The following DIAPH2 variants were observed in gnomAD, a reference collection of about 807,000 sequenced individuals.
DIAPH2 encodes the protein diaphanous related formin 2, also known as protein diaphanous homolog 2.
A neutral mutation model predicts 92.7 loss-of-function variants in DIAPH2; 35 were observed. The ratio of observed to expected loss-of-function variants is 0.38; its 90% confidence interval spans 0.29 to 0.50. The LOEUF is 0.50. Ranked by LOEUF, DIAPH2 falls within the 20% of genes least tolerant of loss-of-function variation. The pLI, the probability that DIAPH2 is intolerant of heterozygous loss-of-function variation, is 0.94. For synonymous variants in DIAPH2, 301 were observed against 280.4 expected, an observed-to-expected ratio of 1.07 and a Z score of -0.73; for missense variants, 701 against 819.5, an observed-to-expected ratio of 0.86 and a Z score of 1.77.
At position 96,685,096 on chromosome X, in the gene DIAPH2, G is replaced by A. The variant is rs2063763417; in HGVS notation, c.38G>A (p.Gly13Asp). ...QPGAAASGAG[G>D]GSEEPGGGRS... ...GGGGCGGCGGCGTCGGGAGCGGGAG[G>A]CGGCAGCGAGGAACCCGGTGGGGGC... The change falls in exon 1 of 27, where the codon GGC (glycine) becomes GAC (aspartate). Residue 13 changes from glycine (G) to aspartate (D), a missense_variant. This residue lies in a region of DIAPH2 where 131 missense variants were observed against 145.6 expected (regional missense o/e 0.90). Transcript: ENST00000324765. 9.9e-7 allele frequency: 1 copy of A among 1,014,462 alleles called. No homozygotes were observed. 83.6% of individuals were successfully genotyped at this position (1,014,462 alleles called of 1,213,427 possible). A position where few individuals can be genotyped will look rare whatever the true frequency, so the allele number is the denominator to read the frequency against.
chrX:97,321,107 G>A (rs1009413359), intron 23 of DIAPH2, among the ~76,000 whole-genome samples: 2 of 111,343 alleles, frequency 1.8e-5, no homozygotes, highest in Admixed American at 9.7e-5. Context: ...AGCTGGAGAC[G>A]GAAAAGAGAG....
chrX:97,230,145 A>T (rs1166668178), intron 22 of DIAPH2, among the ~76,000 whole-genome samples: 2 of 110,760 alleles, frequency 1.8e-5, no homozygotes, highest in African/African-American at 3.3e-5. Context: ...GTATTATGGT[A>T]TTGGCCTCAA....
At chrX:96,928,539 G>A (rs934089876) in intron 9 of DIAPH2, among the ~76,000 whole-genome samples, 1 of 111,356 alleles carries the variant, frequency 9.0e-6, no homozygotes, top group African/African-American at 3.2e-5. Context: ...TAAAGGAATA[G>A]CAAAAATTTA....
intron 17 of DIAPH2, among the ~76,000 whole-genome samples, chrX:96,998,766 T>A (rs2066122162): frequency 9.0e-6 from 1 of 111,451 alleles, no homozygotes; most frequent in African/African-American, 3.3e-5. Flanking sequence ...GCCAGACTCG[T>A]TGGGTTCAAA....
chrX:96,839,136 CAAACAATG>C (rs1412094904), intron 4 of DIAPH2, among the ~76,000 whole-genome samples: 3 of 111,071 alleles, frequency 2.7e-5, no homozygotes, highest in Non-Finnish European at 5.7e-5. Flanking sequence ...TTAGCAGGGC[CAAACAATG>C]TAAATAAAAA....
intron 17 of DIAPH2, among the ~76,000 whole-genome samples, chrX:97,049,710 C>T (rs1440061333): frequency 9.0e-6 from 1 of 110,901 alleles, no homozygotes; most frequent in Non-Finnish European, 1.9e-5. Flanking sequence ...TTTGATATCA[C>T]TCATGTTTAT....
intron 4 of DIAPH2, among the ~76,000 whole-genome samples, chrX:96,813,378 A>T (rs1178158068): frequency 9.2e-6 from 1 of 108,493 alleles, no homozygotes; most frequent in African/African-American, 3.4e-5. Context: ...TTTGCTTGGT[A>T]GATCTTCCTC....
intron 17 of DIAPH2, among the ~76,000 whole-genome samples, chrX:97,068,304 C>A (rs2066646524): frequency 9.0e-6 from 1 of 111,294 alleles, no homozygotes; most frequent in African/African-American, 3.3e-5. Context: ...AAATTAATGC[C>A]AGATACAGAG....
intron 22 of DIAPH2, among the ~76,000 whole-genome samples, chrX:97,192,305 AAAAAAAAAAG>A (rs1334437099): frequency 5.0e-4 from 54 of 108,006 alleles, no homozygotes; most frequent in African/African-American, 1.9e-3. Context: ...AAAAAAAAAA[AAAAAAAAAAG>A]AAAAGAAAAG....
intron 24 of DIAPH2, among the ~76,000 whole-genome samples, chrX:97,361,135 T>C (rs977450712): frequency 1.8e-5 from 2 of 108,711 alleles, no homozygotes; most frequent in Admixed American, 9.9e-5. Flanking sequence ...CAAGCAGTCT[T>C]CCTGCCTCAG....
At chrX:97,096,254 C>T (rs1256348290) in intron 19 of DIAPH2, among the ~76,000 whole-genome samples, 1 of 112,278 alleles carries the variant, frequency 8.9e-6, no homozygotes, top group Non-Finnish European at 1.9e-5. Context: ...AGAACAGAAG[C>T]AATTGTAGTA....
At chrX:96,935,158 T>G (rs1425421754) in intron 10 of DIAPH2, among the ~76,000 whole-genome samples, 1 of 112,119 alleles carries the variant, frequency 8.9e-6, no homozygotes, top group African/African-American at 3.2e-5. Flanking sequence ...TCAGTAACTT[T>G]GTGATAGTTC....
chrX:97,214,859 AAATC>A (rs1446859100), intron 22 of DIAPH2, among the ~76,000 whole-genome samples: 3 of 108,414 alleles, frequency 2.8e-5, no homozygotes, highest in Non-Finnish European at 5.7e-5. Flanking sequence ...AAAAAAAAAA[AAATC>A]CTAAATTTTA....
intron 25 of DIAPH2, among the ~76,000 whole-genome samples, chrX:97,404,383 G>A (rs776572266): frequency 8.9e-6 from 1 of 111,915 alleles, no homozygotes; most frequent in Admixed American, 9.5e-5. Context: ...AGTCCACTGT[G>A]TAAAACTCTT....
At chrX:97,476,944 CAAAA>C (rs958991841) in intron 26 of DIAPH2, among the ~76,000 whole-genome samples, 15 of 13,366 alleles carry the variant, frequency 1.1e-3, no homozygotes, top group African/African-American at 4.6e-3. Flanking sequence ...AACTCTGTCT[CAAAA>C]AAAAAAAAAA....
chrX:97,224,451 T>G (rs5921635), intron 22 of DIAPH2, among the ~76,000 whole-genome samples: 2,633 of 112,269 alleles, frequency 0.023, 32 homozygotes, highest in Middle Eastern at 0.042. Context: ...ACTCATTTTC[T>G]TCTTTCATTC....
intron 24 of DIAPH2, among the ~76,000 whole-genome samples, chrX:97,356,796 A>T (rs1023419495): frequency 9.3e-6 from 1 of 107,346 alleles, no homozygotes; most frequent in Non-Finnish European, 1.9e-5. Flanking sequence ...CTAACATGAT[A>T]AAAAAAAATA....
At chrX:97,597,564 C>T (rs1262072907) in intron 26 of DIAPH2, among the ~76,000 whole-genome samples, 1 of 111,667 alleles carries the variant, frequency 9.0e-6, no homozygotes, top group East Asian at 2.8e-4. Flanking sequence ...TTTTTCAAGT[C>T]AGCATGATCC....
chrX:97,428,345 C>T (rs966321056), intron 25 of DIAPH2, among the ~76,000 whole-genome samples: 1 of 110,644 alleles, frequency 9.0e-6, no homozygotes, highest in Non-Finnish European at 1.9e-5. Context: ...GCCTGACCAA[C>T]AGGGAGAAAC....
Sources: allele counts gnomAD v4.1 joint callset (sites outside exome capture counted in the v4.1 genomes callset), GRCh38; gene constraint gnomAD v4.1.1; regional missense constraint gnomAD v4.1.1; transcripts MANE v1.5; gene names NCBI Gene and HGNC (gene_info 2026-07-23, HGNC 2026-07-21).